Variants in RIPOR2 observed in about 807,000 individuals in gnomAD.
The protein encoded by RIPOR2 is RHO family interacting cell polarization regulator 2.
Under a neutral mutation model 114.5 loss-of-function variants are expected in RIPOR2, and 39 were observed. The observed-to-expected ratio is 0.34, with a 90% CI of 0.26 to 0.44. RIPOR2 has a LOEUF of 0.44. RIPOR2 is among the 20% of genes least tolerant of loss of function. The pLI, the probability that RIPOR2 is intolerant of heterozygous loss-of-function variation, is 1.00. For synonymous variants in RIPOR2, 445 were observed against 484.4 expected (o/e 0.92, Z 1.07); for missense variants, 1,007 against 1,255.1 (o/e 0.80, Z 2.99).
Position 24,821,557 on chromosome 6 carries a change from A to G in RIPOR2, c.2869-2932T>C, listed in dbSNP as rs1021094180. On this transcript the variant is annotated intron_variant, in intron 19 of 21. Transcript: ENST00000643898. ...ATATGCAGTATAGGTTATTACAGCA[A>G]GAACAAAAGCAGTAACAGTAACTAG... Among the ~76,000 whole-genome samples, 133 of 152,368 alleles carry G rather than the reference A, an allele frequency of 8.7e-4. 1 individual carries two copies. The highest frequency in any genetic ancestry group is 3.1e-3 in the African/African-American group (127 of 41,590).
At chr6:24,934,892 A>C (rs1366937884) in intron 1 of RIPOR2, among the ~76,000 whole-genome samples, 3 of 152,158 alleles carry the variant, frequency 2.0e-5, no homozygotes, top group Non-Finnish European at 4.4e-5. Flanking sequence ...AGAACAGAAA[A>C]CTGAGCAGTG....
intron 10 of RIPOR2, among the ~76,000 whole-genome samples, 186 bp downstream of exon 10, chr6:24,850,411 T>A (rs1762771546): frequency 6.6e-6 from 1 of 152,106 alleles, no homozygotes; most frequent in Non-Finnish European, 1.5e-5. Flanking sequence ...GAGGTGGATA[T>A]TTCAAAAGTG....
chr6:24,839,591 T>C (rs1228827496), intron 13 of RIPOR2: 1 of 1,529,538 alleles, frequency 6.5e-7, no homozygotes, highest in Non-Finnish European at 8.8e-7. Flanking sequence ...TAGAGGATCT[T>C]CTCTACTTCT....
At chr6:25,023,586 C>T (rs537334994) in intron 1 of RIPOR2, 21 of 768,922 alleles carry the variant, frequency 2.7e-5, no homozygotes, top group Non-Finnish European at 3.6e-5. Flanking sequence ...ACCTCCCAGT[C>T]CATGGTGAAG....
At chr6:25,024,090 C>T in intron 1 of RIPOR2, 1 of 780,480 alleles carries the variant, frequency 1.3e-6, no homozygotes, top group Non-Finnish European at 2.3e-6. Context: ...GGGGGACCAG[C>T]GAGTACCAGG....
At chr6:24,854,975 C>T (rs1026699051) in intron 8 of RIPOR2, among the ~76,000 whole-genome samples, 26 of 138,778 alleles carry the variant, frequency 1.9e-4, no homozygotes, top group East Asian at 2.1e-4. Flanking sequence ...TGCAGTGAGC[C>T]GAGATCATGC....
chr6:24,894,496 A>G (rs946046319), intron 1 of RIPOR2, among the ~76,000 whole-genome samples: 1 of 152,124 alleles, frequency 6.6e-6, no homozygotes, highest in Non-Finnish European at 1.5e-5. Context: ...TTCCCTTACT[A>G]TTAACAATTT....
chr6:24,866,457 C>G (rs1200171825), intron 6 of RIPOR2, among the ~76,000 whole-genome samples: 2 of 151,880 alleles, frequency 1.3e-5, no homozygotes, highest in African/African-American at 4.8e-5. Context: ...TCCTATAATG[C>G]AGAGGACAGC....
intron 1 of RIPOR2, among the ~76,000 whole-genome samples, chr6:24,926,056 C>T (rs1304355715): frequency 6.6e-6 from 1 of 152,100 alleles, no homozygotes; most frequent in Non-Finnish European, 1.5e-5. Context: ...CTAGAGGGAA[C>T]ATTGTAGAGG....
intron 1 of RIPOR2, among the ~76,000 whole-genome samples, chr6:24,979,285 T>C (rs895964842): frequency 1.3e-5 from 1 of 78,294 alleles, no homozygotes; most frequent in Non-Finnish European, 2.3e-5. Flanking sequence ...GGGAAATTCT[T>C]TTTTTTTTTT....
At chr6:24,834,957 C>T (rs781241709) in intron 15 of RIPOR2, among the ~76,000 whole-genome samples, 6 of 152,192 alleles carry the variant, frequency 3.9e-5, no homozygotes, top group African/African-American at 1.4e-4. Context: ...CATTCTCTTC[C>T]TGTTCCACAT....
chr6:24,976,366 C>T (rs1417214121), intron 1 of RIPOR2: 16 of 1,132,612 alleles, frequency 1.4e-5, no homozygotes, highest in Non-Finnish European at 1.8e-5. Flanking sequence ...TATTAAGAAA[C>T]GAGAAAAGGC....
In RIPOR2 at chr6:24,916,374, G is replaced by A. The variant is rs368469009; in HGVS notation, c.61+19464C>T. Among the ~76,000 whole-genome samples, 28 of 152,302 alleles carry A rather than the reference G, an allele frequency of 1.8e-4. 1 individual carries two copies. Among genetic ancestry groups the A allele is most frequent in the African/African-American group, 6.5e-4 (27 of 41,566 alleles). On this transcript the variant is annotated intron_variant, in intron 1 of 21. Coordinates refer to ENST00000643898, the MANE Select transcript of RIPOR2 (RefSeq NM_001286445.3). ...AATCACACATCTTCCATTTGTTGTA[G>A]CTATTTAATACACTTCTCCTCATTG... is the stretch of plus-strand genomic sequence containing the variant.
At chr6:24,853,057 A>G (rs1224672899) in intron 8 of RIPOR2, among the ~76,000 whole-genome samples, 1 of 152,184 alleles carries the variant, frequency 6.6e-6, no homozygotes, top group Non-Finnish European at 1.5e-5. Flanking sequence ...TTAAGATTCC[A>G]TGCAGTTATT....
intron 1 of RIPOR2, among the ~76,000 whole-genome samples, chr6:24,997,441 G>A (rs1775097219): frequency 6.6e-6 from 1 of 152,150 alleles, no homozygotes; most frequent in Admixed American, 6.5e-5. Context: ...AGTCCTTACA[G>A]CCTCCATGAG....
chr6:24,907,792 G>A (rs1769137125), intron 1 of RIPOR2, among the ~76,000 whole-genome samples: 1 of 152,154 alleles, frequency 6.6e-6, no homozygotes, highest in Non-Finnish European at 1.5e-5. Flanking sequence ...GCCAAAAGAA[G>A]GGCTCCTTCC....
chr6:24,867,425 T>C (rs1010040718), intron 6 of RIPOR2, among the ~76,000 whole-genome samples: 2 of 152,232 alleles, frequency 1.3e-5, no homozygotes, highest in Non-Finnish European at 1.5e-5. Context: ...TTGCAAATTG[T>C]TCTGATGTGG....
At chr6:24,836,544 C>T (rs967247541) in intron 14 of RIPOR2, among the ~76,000 whole-genome samples, 4 of 152,164 alleles carry the variant, frequency 2.6e-5, no homozygotes, top group African/African-American at 7.2e-5. Context: ...ACTAAACCTG[C>T]GTACTAGGGA....
chr6:24,875,284 T>C (rs997420003), intron 2 of RIPOR2, among the ~76,000 whole-genome samples: 5 of 152,226 alleles, frequency 3.3e-5, no homozygotes, highest in Admixed American at 2.0e-4. Context: ...CTAGAAAAAC[T>C]AACTTTGGCA....
Sources: gnomAD v4.1 joint callset for allele counts (sites outside exome capture counted in the v4.1 genomes callset) on GRCh38, gnomAD v4.1.1 for gene constraint, MANE v1.5 for transcripts, NCBI Gene and HGNC (gene_info 2026-07-23, HGNC 2026-07-21) for gene names.